Variants in TMTC2 observed in about 807,000 individuals in gnomAD.
TMTC2 encodes the protein protein O-mannosyl-transferase TMTC2.
TMTC2 carries 43 observed loss-of-function variants against 82.4 expected under a neutral mutation model. That is an observed-to-expected ratio of 0.52 (90% CI 0.41 to 0.67). The LOEUF is 0.67. Among genes scored for constraint, TMTC2 ranks in the 30% least tolerant of loss-of-function variants. The probability of loss-of-function intolerance (pLI) is 0.00; values close to 1 mark genes in which losing one functional copy is unlikely to be tolerated. For missense variants in TMTC2, 919 were observed against 1,012.4 expected, an observed-to-expected ratio of 0.91 and a Z score of 1.25; for synonymous variants, 408 against 381.9, an observed-to-expected ratio of 1.07 and a Z score of -0.80.
intron 2 of TMTC2, among the ~76,000 whole-genome samples, chr12:82,875,764 C>G (rs1385265202): frequency 1.3e-5 from 2 of 151,990 alleles, no homozygotes; most frequent in African/African-American, 4.8e-5. Context: ...TGAAATTTAG[C>G]TTGTGGTGTT....
At chr12:83,106,560 A>G (rs188130184) in intron 11 of TMTC2, among the ~76,000 whole-genome samples, 1 of 152,194 alleles carries the variant, frequency 6.6e-6, no homozygotes, top group East Asian at 1.9e-4. Context: ...ACCAAGTTGA[A>G]TAAATACATA....
chr12:82,888,066 C>T (rs977752407), intron 2 of TMTC2, among the ~76,000 whole-genome samples: 8 of 151,274 alleles, frequency 5.3e-5, no homozygotes, highest in African/African-American at 1.7e-4. Context: ...GTAACAAGAG[C>T]GAAACTCTAT....
chr12:82,721,595 A>C (rs767409504), intron 1 of TMTC2, among the ~76,000 whole-genome samples: 6 of 152,204 alleles, frequency 3.9e-5, no homozygotes, highest in Non-Finnish European at 8.8e-5. Context: ...TAACTGAGAT[A>C]ATTTCTAAAA....
intron 9 of TMTC2, among the ~76,000 whole-genome samples, chr12:83,038,563 G>A (rs917204221): frequency 2.0e-5 from 3 of 152,008 alleles, no homozygotes; most frequent in Admixed American, 1.3e-4. Flanking sequence ...ATCTGAAAAA[G>A]GGAGATAGCT....
At chr12:82,769,188 G>T (rs1877148662) in intron 1 of TMTC2, among the ~76,000 whole-genome samples, 1 of 151,742 alleles carries the variant, frequency 6.6e-6, no homozygotes, top group African/African-American at 2.4e-5. Context: ...GATGTAAGTG[G>T]TAGGCCAGGC....
chr12:82,804,814 G>A (rs1035008174), intron 1 of TMTC2, among the ~76,000 whole-genome samples: 1 of 152,070 alleles, frequency 6.6e-6, no homozygotes, highest in African/African-American at 2.4e-5. Flanking sequence ...ACAACCATTA[G>A]CATATAACAG....
chr12:83,081,525 T>A (rs540263559), intron 11 of TMTC2, among the ~76,000 whole-genome samples: 9 of 152,164 alleles, frequency 5.9e-5, no homozygotes, highest in Non-Finnish European at 1.0e-4. Context: ...ATGATCTGGA[T>A]GCATCACATC....
rs144355318 is a variant in TMTC2 at position 82,924,800 on chromosome 12, C to T, written c.1484-5631C>T. On this transcript the variant is annotated intron_variant, in intron 3 of 11. Coordinates refer to ENST00000321196, the MANE Select transcript of TMTC2 (RefSeq NM_152588.3). ...TTAGTTCGCTTGCAGTGAGTACCTT[C>T]TCTGCAGAGGAGTCAAGAGTGACAT... 4.0e-3 allele frequency among the ~76,000 whole-genome samples: 606 copies of T among 152,302 alleles called. 1 individual carries two copies. The highest frequency in any genetic ancestry group is 5.3e-3 in the Non-Finnish European group (361 of 68,032).
intron 1 of TMTC2, among the ~76,000 whole-genome samples, chr12:82,732,403 C>T (rs560868836): frequency 1.3e-5 from 2 of 151,992 alleles, no homozygotes; most frequent in South Asian, 2.1e-4. Flanking sequence ...AGTGCAGTGG[C>T]GCGATCTCGG....
intron 1 of TMTC2, among the ~76,000 whole-genome samples, chr12:82,838,704 A>G (rs1870178209): frequency 6.6e-6 from 1 of 152,102 alleles, no homozygotes; most frequent in Non-Finnish European, 1.5e-5. Flanking sequence ...AAGTAAAAAC[A>G]CATGTCCCCT....
rs112208965 is a variant in TMTC2 at position 82,729,046 on chromosome 12, G to A, written c.83+41377G>A. On this transcript the variant is annotated intron_variant, in intron 1 of 11. Transcript: ENST00000321196. ...CCTGCGTGGCCCGAGCCTCCCCGAC[G>A]AGCGCTGCCCCCTGCTCCAGGTGCC... Among the ~76,000 whole-genome samples, 1,019 of 152,316 alleles carry A rather than the reference G, an allele frequency of 6.7e-3. 6 individuals are homozygous for A. The highest frequency in any genetic ancestry group is 0.014 in the Middle Eastern group (4 of 294).
chr12:82,788,722 C>T (rs1044781263), intron 1 of TMTC2, among the ~76,000 whole-genome samples: 19 of 152,266 alleles, frequency 1.2e-4, no homozygotes, highest in African/African-American at 4.6e-4. Context: ...ACATCCTTAA[C>T]ATCTCCTTGC....
intron 1 of TMTC2, among the ~76,000 whole-genome samples, chr12:82,784,735 T>C (rs1269740674): frequency 1.3e-5 from 2 of 152,108 alleles, no homozygotes; most frequent in Non-Finnish European, 2.9e-5. Flanking sequence ...CCATGCTTCA[T>C]TTTTGTATTT....
chr12:82,911,512 T>A (rs2137210038), intron 3 of TMTC2, among the ~76,000 whole-genome samples: 1 of 152,342 alleles, frequency 6.6e-6, no homozygotes, highest in South Asian at 2.1e-4. Flanking sequence ...ATGTGCTTGC[T>A]CAAAATGAAA....
intron 11 of TMTC2, among the ~76,000 whole-genome samples, chr12:83,066,212 A>G (rs1217664328): frequency 6.6e-6 from 1 of 151,946 alleles, no homozygotes; most frequent in Non-Finnish European, 1.5e-5. Flanking sequence ...GTGTAAGCAA[A>G]GCGCACAGGA....
intron 1 of TMTC2, among the ~76,000 whole-genome samples, chr12:82,824,746 G>T (rs1869310931): frequency 6.8e-6 from 1 of 147,800 alleles, no homozygotes; most frequent in South Asian, 2.1e-4. Context: ...AGTTAAGTAA[G>T]GGGGAGGCTA....
At chr12:82,740,242 T>C (rs1283012467) in intron 1 of TMTC2, among the ~76,000 whole-genome samples, 1 of 152,186 alleles carries the variant, frequency 6.6e-6, no homozygotes, top group Non-Finnish European at 1.5e-5. Flanking sequence ...TAGAAGGGAA[T>C]CTGCATTCTG....
At chr12:82,793,603 T>C (rs1312165913) in intron 1 of TMTC2, among the ~76,000 whole-genome samples, 2 of 152,128 alleles carry the variant, frequency 1.3e-5, no homozygotes, top group Non-Finnish European at 2.9e-5. Context: ...TTTAAAAGTA[T>C]TAGCTGTAAT....
At chr12:82,710,279 G>A (rs1873561158) in intron 1 of TMTC2, among the ~76,000 whole-genome samples, 1 of 152,176 alleles carries the variant, frequency 6.6e-6, no homozygotes, top group African/African-American at 2.4e-5. Context: ...CATCTTGTTG[G>A]CTGTGCTCTA....
Sources: gnomAD v4.1 joint callset for allele counts (sites outside exome capture counted in the v4.1 genomes callset) on GRCh38, gnomAD v4.1.1 for gene constraint, MANE v1.5 for transcripts, NCBI Gene and HGNC (gene_info 2026-07-23, HGNC 2026-07-21) for gene names.